Variants in POGLUT2 observed in about 807,000 individuals in gnomAD.
The protein encoded by POGLUT2 is ER protein 58.
A neutral mutation model predicts 57.6 loss-of-function variants in POGLUT2; 47 were observed. The observed-to-expected ratio is 0.82, with a 90% CI of 0.65 to 1.04. The LOEUF (loss-of-function observed/expected upper bound fraction) is 1.04. Among genes scored for constraint, POGLUT2 ranks in the 50% least tolerant of loss-of-function variants. POGLUT2 has a pLI of 0.00. For missense variants in POGLUT2, 565 were observed against 614.8 expected, an observed-to-expected ratio of 0.92 and a Z score of 0.86; for synonymous variants, 200 against 218.8, an observed-to-expected ratio of 0.91 and a Z score of 0.76.
At chr13:102,787,998 A>C in intron 7 of POGLUT2, 75 bp from the exon 8 acceptor site, 1 of 829,530 alleles carries the variant, frequency 1.2e-6, no homozygotes, top group Non-Finnish European at 2.0e-6. Flanking sequence ...ACTGCTCTTC[A>C]GAGTATGTAT....
chr13:102,792,855 G>A (rs543112070), intron 4 of POGLUT2, among the ~76,000 whole-genome samples: 113 of 152,270 alleles, frequency 7.4e-4, no homozygotes, highest in Middle Eastern at 3.4e-3. Flanking sequence ...GTGCAGTGGC[G>A]TGATCTCGGC....
Sources: gnomAD v4.1 joint callset for allele counts (sites outside exome capture counted in the v4.1 genomes callset) on GRCh38, gnomAD v4.1.1 for gene constraint, MANE v1.5 for transcripts, NCBI Gene and HGNC (gene_info 2026-07-23, HGNC 2026-07-21) for gene names.